GABRA4: variants seen among roughly 807,000 people sequenced by gnomAD.
GABRA4 encodes the protein gamma-aminobutyric acid receptor subunit alpha-4.
A neutral mutation model predicts 49.7 loss-of-function variants in GABRA4; 12 were observed. The observed-to-expected ratio is 0.24, with a 90% CI of 0.15 to 0.39. GABRA4 has a LOEUF of 0.39. Among genes scored for constraint, GABRA4 ranks in the 10% least tolerant of loss-of-function variants. The probability of loss-of-function intolerance (pLI) is 1.00; values close to 1 mark genes in which losing one functional copy is unlikely to be tolerated. For synonymous variants in GABRA4, 288 were observed against 240.2 expected (o/e 1.20, Z -1.84); for missense variants, 506 against 686.0 (o/e 0.74, Z 2.93).
chr4:46,969,275 T>G (rs1290035617), intron 7 of GABRA4, among the ~76,000 whole-genome samples: 4 of 151,598 alleles, frequency 2.6e-5, no homozygotes, highest in Non-Finnish European at 4.4e-5. Context: ...AATGTATACA[T>G]GAGTTTTTTT....
intron 5 of GABRA4, among the ~76,000 whole-genome samples, chr4:46,975,120 T>G (rs1277105869): frequency 6.6e-6 from 1 of 151,974 alleles, no homozygotes; most frequent in Non-Finnish European, 1.5e-5. Flanking sequence ...CTTACCAGTC[T>G]ACCCATAACA....
At chr4:46,951,523 A>G (rs545886517) in intron 8 of GABRA4, among the ~76,000 whole-genome samples, 2 of 151,762 alleles carry the variant, frequency 1.3e-5, no homozygotes, top group African/African-American at 2.4e-5. Flanking sequence ...CTTTGTAATT[A>G]AAGAGTTGAC....
Position 46,928,459 on chromosome 4 carries a change from G to A in GABRA4, c.1431C>T (p.His477=), listed in dbSNP as rs138282671. The change falls in exon 9 of 9, where the codon CAC becomes CAT. Residue 477 remains histidine, a synonymous_variant. Transcript: ENST00000264318. Reference sequence around the variant, plus strand: ...TCCTCTGCAGTCTTGATCCAAACACGTGACGAGTAGAAGCAGATCCAACTG... The same window carrying A: ...TCCTCTGCAGTCTTGATCCAAACACATGACGAGTAGAAGCAGATCCAACTG... ...KASVGSASTR[H]VFGSRLQRIK... is the part of the protein sequence containing the mutation. 292 of 1,613,636 alleles carry A rather than the reference G, an allele frequency of 1.8e-4. 2 individuals are homozygous for A. In the East Asian group the frequency reaches 5.1e-3, roughly 28 times the overall value.
At chr4:46,962,203 G>C in intron 8 of GABRA4, among the ~76,000 whole-genome samples, 1 of 151,816 alleles carries the variant, frequency 6.6e-6, no homozygotes, top group East Asian at 1.9e-4. Context: ...GTTAAGAGCT[G>C]CTGCTTTAAA....
intron 8 of GABRA4, among the ~76,000 whole-genome samples, chr4:46,957,913 T>C (rs1206701977): frequency 6.6e-6 from 1 of 152,022 alleles, no homozygotes; most frequent in Non-Finnish European, 1.5e-5. Context: ...TTTTTATTAC[T>C]GGTACATAGA....
At chr4:46,985,920 C>G (rs1039896845) in intron 2 of GABRA4, among the ~76,000 whole-genome samples, 1 of 151,198 alleles carries the variant, frequency 6.6e-6, no homozygotes. Flanking sequence ...CTAGATTATC[C>G]CAGTAGAAGA....
chr4:46,991,721 A>T (rs376492011), intron 2 of GABRA4, among the ~76,000 whole-genome samples: 1 of 151,798 alleles, frequency 6.6e-6, no homozygotes, highest in Non-Finnish European at 1.5e-5. Flanking sequence ...TGGAACTTGG[A>T]CTCAATTTCC....
chr4:46,978,668 CAA>C lies in GABRA4; in HGVS notation c.273+361_273+362del, dbSNP rs767458869. On this transcript the variant is annotated intron_variant, in intron 3 of 8. Transcript: ENST00000264318. ...CGCCATTGTACTCCAGCCTGGGCAA[CAA>C]GAGCAAAACTTCATCTCAAAAAAAA... 6.6e-4 allele frequency among the ~76,000 whole-genome samples: 18 copies of C among 27,192 alleles called. No individual in the cohort carries two copies. In the East Asian group the frequency reaches 0.011, roughly 17 times the overall value. The allele number at this position is 27,192 out of a possible 152,430, so 17.8% of individuals were successfully genotyped here. A position where few individuals can be genotyped will look rare whatever the true frequency, so the allele number is the denominator to read the frequency against.
intron 5 of GABRA4, among the ~76,000 whole-genome samples, chr4:46,975,254 C>T (rs900633187): frequency 2.0e-5 from 3 of 151,968 alleles, no homozygotes; most frequent in Non-Finnish European, 4.4e-5. Context: ...TTTAATTCTT[C>T]AAAAGGAGTT....
intron 7 of GABRA4, among the ~76,000 whole-genome samples, chr4:46,968,713 G>T (rs537792262): frequency 6.6e-6 from 1 of 151,450 alleles, no homozygotes; most frequent in Non-Finnish European, 1.5e-5. Context: ...AAAATATCTT[G>T]TTTGGATAGG....
intron 8 of GABRA4, among the ~76,000 whole-genome samples, chr4:46,957,701 A>G (rs1295899587): frequency 6.6e-6 from 1 of 151,852 alleles, no homozygotes; most frequent in Non-Finnish European, 1.5e-5. Flanking sequence ...CATTTCCCTC[A>G]CCCAATATAT....
chr4:46,934,922 T>G (rs1450163496), intron 8 of GABRA4, among the ~76,000 whole-genome samples: 2 of 152,204 alleles, frequency 1.3e-5, no homozygotes, highest in African/African-American at 4.8e-5. Flanking sequence ...CAGGAACTGC[T>G]TTCATCAATG....
intron 8 of GABRA4, among the ~76,000 whole-genome samples, chr4:46,940,350 CTT>C (rs1721748198): frequency 6.6e-6 from 1 of 151,988 alleles, no homozygotes; most frequent in Admixed American, 6.6e-5. Flanking sequence ...AGCTCTATCT[CTT>C]GTTTCTGATT....
chr4:46,993,319 T>G lies in GABRA4; in HGVS notation c.86+20A>C. ...TCTCCACTTTCCGTTGCCCACCTCC[T>G]CGCACCCCAGAGAACTCACCAAACC... On this transcript the variant is annotated intron_variant, in intron 1 of 8. Transcript: ENST00000264318. The G allele has an allele frequency of 4.3e-6, 7 of 1,610,638 alleles. No homozygotes were observed. The highest frequency in any genetic ancestry group is 5.9e-6 in the Non-Finnish European group (7 of 1,176,864).
At chr4:46,941,543 ATTCTAAC>A (rs1721797200) in intron 8 of GABRA4, among the ~76,000 whole-genome samples, 1 of 152,130 alleles carries the variant, frequency 6.6e-6, no homozygotes, top group Non-Finnish European at 1.5e-5. Context: ...ATCATTTAAT[ATTCTAAC>A]TCAGATCTGT....
In GABRA4 at chr4:46,926,807, T is replaced by C. The variant is rs1394302295; in HGVS notation, c.*1418A>G. ...GCCTACCTAATGAGAAAGAAGTCAG[T>C]AGATGAAAACCCTGATAAATCACAT... is the stretch of plus-strand genomic sequence containing the variant. On this transcript the variant is annotated 3_prime_UTR_variant, in exon 9 of 9. Transcript: ENST00000264318. 6.6e-6 allele frequency: 1 copy of C among 151,964 alleles called. No individual in the cohort carries two copies. Among genetic ancestry groups the C allele is most frequent in the Non-Finnish European group, 1.5e-5 (1 of 67,912 alleles). 9.4% of individuals were successfully genotyped at this position (151,964 alleles called of 1,614,324 possible).
At chr4:46,987,594 T>C (rs543151387) in intron 2 of GABRA4, among the ~76,000 whole-genome samples, 10 of 151,026 alleles carry the variant, frequency 6.6e-5, no homozygotes, top group African/African-American at 1.5e-4. Flanking sequence ...TTCTCTCTCT[T>C]TTTTTTTAAC....
At chr4:46,953,823 T>A (rs370223470) in intron 8 of GABRA4, among the ~76,000 whole-genome samples, 1 of 152,022 alleles carries the variant, frequency 6.6e-6, no homozygotes, top group Non-Finnish European at 1.5e-5. Flanking sequence ...TTGTGGATAG[T>A]TGGGGAGTAA....
Position 46,922,245 on chromosome 4 carries a change from G to A in GABRA4, c.*5980C>T, listed in dbSNP as rs1721061223. ...GAGTTTTACACTGTGAACTACATAG[G>A]CCGCCCAAATGTCAAAAATAGATAT... On this transcript the variant is annotated 3_prime_UTR_variant, in exon 9 of 9. Transcript: ENST00000264318. 6.6e-6 allele frequency: 1 copy of A among 152,056 alleles called. No individual in the cohort carries two copies. Among genetic ancestry groups the A allele is most frequent in the Admixed American group, 6.6e-5 (1 of 15,250 alleles). 9.4% of individuals were successfully genotyped at this position (152,056 alleles called of 1,614,324 possible).
Sources: allele counts gnomAD v4.1 joint callset (sites outside exome capture counted in the v4.1 genomes callset), GRCh38; gene constraint gnomAD v4.1.1; transcripts MANE v1.5; gene names NCBI Gene and HGNC (gene_info 2026-07-23, HGNC 2026-07-21).